The following GOLPH3 variants were observed in gnomAD, a reference collection of about 807,000 sequenced individuals.
GOLPH3 encodes coat protein GPP34.
In GOLPH3, 14 loss-of-function variants were observed where a neutral mutation model predicts 28.5. The ratio of observed to expected loss-of-function variants is 0.49; its 90% CI spans 0.32 to 0.77. The LOEUF (loss-of-function observed/expected upper bound fraction) is 0.77, where lower values mean the gene tolerates loss of function less well. Among genes scored for constraint, GOLPH3 ranks in the 30% least tolerant of loss-of-function variants. The pLI, the probability that GOLPH3 is intolerant of heterozygous loss-of-function variation, is 0.03. For missense variants in GOLPH3, 350 were observed against 393.7 expected, an observed-to-expected ratio of 0.89 and a Z score of 0.94; for synonymous variants, 158 against 159.2, an observed-to-expected ratio of 0.99 and a Z score of 0.06.
chr5:32,125,383 C>G lies in GOLPH3; in HGVS notation c.*829G>C, dbSNP rs1412601663. ...CAGCTCAAAAAATCCCAGGACCAAT[C>G]AGACACACATCTTTTCTCTCTCCTT... On this transcript the variant is annotated 3_prime_UTR_variant, in exon 4 of 4. Transcript: ENST00000265070. 2 of 152,650 alleles carry G rather than the reference C, an allele frequency of 1.3e-5. No homozygotes were observed. Among genetic ancestry groups the G allele is most frequent in the Admixed American group, 6.5e-5 (1 of 15,284 alleles). 9.5% of individuals were successfully genotyped at this position (152,650 alleles called of 1,614,324 possible).
chr5:32,141,574 T>C (rs1220909055), intron 2 of GOLPH3, among the ~76,000 whole-genome samples: 1 of 100,850 alleles, frequency 9.9e-6, no homozygotes, highest in Non-Finnish European at 2.5e-5. Context: ...AAGCTGCAAA[T>C]GACTCTCCCT....
Position 32,126,146 on chromosome 5 carries a change from G to A in GOLPH3, c.*66C>T, listed in dbSNP as rs1440627489. 3 of 1,461,744 alleles carry A rather than the reference G, an allele frequency of 2.1e-6. No homozygotes were observed. In the African/African-American group the frequency reaches 4.2e-5, roughly 21 times the overall value. 90.5% of individuals were successfully genotyped at this position (1,461,744 alleles called of 1,614,324 possible). On this transcript the variant is annotated 3_prime_UTR_variant, in exon 4 of 4. Transcript: ENST00000265070. ...GGAAAGTACAAATTACAGAAAACCA[G>A]AAGTCAACAGAAGAAAAACTACTGG...
At chr5:32,149,759 G>A (rs1306691360) in intron 1 of GOLPH3, among the ~76,000 whole-genome samples, 1 of 152,174 alleles carries the variant, frequency 6.6e-6, no homozygotes, top group Non-Finnish European at 1.5e-5. Context: ...CACTTTAAGA[G>A]GCCGAGGCGG....
chr5:32,168,527 T>C (rs1170979337), intron 1 of GOLPH3, among the ~76,000 whole-genome samples: 3 of 152,202 alleles, frequency 2.0e-5, no homozygotes, highest in Admixed American at 2.0e-4. Context: ...TAACTGACTC[T>C]GGCTATCTTT....
chr5:32,139,007 G>A (rs959740086), intron 2 of GOLPH3, among the ~76,000 whole-genome samples: 3 of 152,172 alleles, frequency 2.0e-5, no homozygotes, highest in Non-Finnish European at 2.9e-5. Context: ...CTCAAAGCTC[G>A]CCCACGCACA....
intron 3 of GOLPH3, among the ~76,000 whole-genome samples, chr5:32,134,380 G>C (rs1314157882): frequency 2.6e-5 from 4 of 151,864 alleles, no homozygotes; most frequent in East Asian, 1.9e-4. Flanking sequence ...TAATTCTTTT[G>C]TGTTTTTTGG....
chr5:32,164,339 T>C (rs1434212097), intron 1 of GOLPH3, among the ~76,000 whole-genome samples: 1 of 152,206 alleles, frequency 6.6e-6, no homozygotes, highest in African/African-American at 2.4e-5. Context: ...TATGATGGAA[T>C]ATACATATTT....
At chr5:32,136,238 G>C (rs1394753255) in intron 2 of GOLPH3, among the ~76,000 whole-genome samples, 6 of 152,122 alleles carry the variant, frequency 3.9e-5, no homozygotes. Flanking sequence ...CCAGCACCTT[G>C]GGAGGCCGAG....
chr5:32,160,162 G>A (rs1746541750), intron 1 of GOLPH3, among the ~76,000 whole-genome samples: 1 of 152,096 alleles, frequency 6.6e-6, no homozygotes, highest in Non-Finnish European at 1.5e-5. Flanking sequence ...TTATACAACT[G>A]CACTCTAGCC....
chr5:32,143,407 G>A (rs1746125127), intron 2 of GOLPH3, among the ~76,000 whole-genome samples: 1 of 151,312 alleles, frequency 6.6e-6, no homozygotes, highest in Non-Finnish European at 1.5e-5. Flanking sequence ...CTGTGACCCT[G>A]CCAAATCCCC....
chr5:32,140,557 G>C (rs1177150588), intron 2 of GOLPH3, among the ~76,000 whole-genome samples: 1 of 151,894 alleles, frequency 6.6e-6, no homozygotes, highest in Admixed American at 6.6e-5. Flanking sequence ...TACTAGGGAG[G>C]CTGAGGCAGG....
rs941236456 is a variant in GOLPH3, at chr5:32,124,898, G to A, written c.*1314C>T. 3.9e-5 allele frequency: 6 copies of A among 152,202 alleles called. No homozygotes were observed. In the East Asian group the frequency reaches 1.2e-3, roughly 29 times the overall value. The allele number at this position is 152,202 out of a possible 1,614,324, so 9.4% of individuals were successfully genotyped here. On this transcript the variant is annotated 3_prime_UTR_variant, in exon 4 of 4. Coordinates refer to ENST00000265070, the MANE Select transcript of GOLPH3 (RefSeq NM_022130.4). ...AAGCCCCACTATTAACATGGACTAT[G>A]GTAATAAAAAATTTTGACATTTAAT...
At chr5:32,165,976 C>T (rs1224963649) in intron 1 of GOLPH3, among the ~76,000 whole-genome samples, 1 of 152,148 alleles carries the variant, frequency 6.6e-6, no homozygotes, top group Non-Finnish European at 1.5e-5. Flanking sequence ...AAGACGAAAA[C>T]CTTAAGCTAA....
intron 1 of GOLPH3, among the ~76,000 whole-genome samples, chr5:32,158,921 T>C (rs1453348989): frequency 6.6e-6 from 1 of 152,236 alleles, no homozygotes; most frequent in Admixed American, 6.5e-5. Context: ...CTGTTAAAAC[T>C]GTGTTAAGCA....
At chr5:32,171,553 T>C (rs939053185) in intron 1 of GOLPH3, among the ~76,000 whole-genome samples, 6 of 152,070 alleles carry the variant, frequency 3.9e-5, no homozygotes, top group African/African-American at 1.4e-4. Flanking sequence ...TCTCAAAAAC[T>C]ATAAACCAAA....
At chr5:32,158,553 G>C (rs974981511) in intron 1 of GOLPH3, among the ~76,000 whole-genome samples, 2 of 151,946 alleles carry the variant, frequency 1.3e-5, no homozygotes, top group Admixed American at 1.3e-4. Flanking sequence ...CAGACTCGAA[G>C]GTATCATCAG....
intron 1 of GOLPH3, among the ~76,000 whole-genome samples, chr5:32,144,136 C>G (rs1746141823): frequency 6.6e-6 from 1 of 152,200 alleles, no homozygotes; most frequent in Non-Finnish European, 1.5e-5. Context: ...ACATAACTCA[C>G]ATTTCACCAA....
chr5:32,139,575 T>G (rs185477555), intron 2 of GOLPH3, among the ~76,000 whole-genome samples: 3 of 152,378 alleles, frequency 2.0e-5, no homozygotes, highest in African/African-American at 7.2e-5. Flanking sequence ...TGCTTCTGCT[T>G]ACAACTTTTC....
intron 1 of GOLPH3, among the ~76,000 whole-genome samples, chr5:32,167,206 T>C (rs755380461): frequency 2.6e-5 from 4 of 152,036 alleles, no homozygotes; most frequent in Admixed American, 6.5e-5. Flanking sequence ...AGTTCCACTC[T>C]TGTCGCCCAG....
Sources: allele counts gnomAD v4.1 joint callset (sites outside exome capture counted in the v4.1 genomes callset), GRCh38; gene constraint gnomAD v4.1.1; transcripts MANE v1.5; gene names NCBI Gene and HGNC (gene_info 2026-07-23, HGNC 2026-07-21).